Variants in SHCBP1L observed in about 807,000 individuals in gnomAD.
SHCBP1L encodes the protein SHC binding and spindle associated 1 like.
SHCBP1L carries 67 observed loss-of-function variants against 62.5 expected under a neutral mutation model. That is an observed-to-expected ratio of 1.07 (90% CI 0.88 to 1.31). The LOEUF is 1.31. Ranked by LOEUF, SHCBP1L falls within the 40% of genes most tolerant of loss-of-function variation. The probability of loss-of-function intolerance (pLI) is 0.00; values close to 1 mark genes in which losing one functional copy is unlikely to be tolerated. For synonymous variants in SHCBP1L, 284 were observed against 289.4 expected (o/e 0.98, Z 0.19); for missense variants, 823 against 809.8 (o/e 1.02, Z -0.20).
intron 2 of SHCBP1L, among the ~76,000 whole-genome samples, chr1:182,947,107 C>T (rs1651590421): frequency 6.6e-6 from 1 of 151,844 alleles, no homozygotes; most frequent in South Asian, 2.1e-4. Flanking sequence ...CATGGTGGCT[C>T]GCGCCTATAA....
At chr1:182,925,004 G>A (rs1650693506) in intron 6 of SHCBP1L, among the ~76,000 whole-genome samples, 2 of 130,642 alleles carry the variant, frequency 1.5e-5, no homozygotes, top group African/African-American at 3.1e-5. Context: ...AAGGAAGGAA[G>A]AAAGGAAGGA....
chr1:182,951,291 A>C (rs776605591), intron 2 of SHCBP1L, 27 bp downstream of exon 2: 16 of 1,465,532 alleles, frequency 1.1e-5, no homozygotes, highest in Middle Eastern at 3.7e-4. Context: ...ATTCAAAAAG[A>C]ACAAAGATCA....
Position 182,904,385 on chromosome 1 carries a change from C to G in SHCBP1L, c.1382G>C (p.Arg461Pro), listed in dbSNP as rs765850573. 1 of 1,614,126 alleles carries G rather than the reference C, an allele frequency of 6.2e-7. No homozygotes were observed. Among genetic ancestry groups the G allele is most frequent in the South Asian group, 1.1e-5 (1 of 91,088 alleles). The change falls in exon 8 of 10, where the codon CGT becomes CCT. Residue 461 changes from arginine to proline, a missense_variant. Physicochemically the swap from Arg to Pro is moderately radical, Grantham distance 103. Coordinates refer to ENST00000367547, the MANE Select transcript of SHCBP1L (RefSeq NM_030933.4). ...EEIMITSEPS[R>P]DSFVVSKADN... The stretch of plus-strand genomic sequence containing the variant: ...AGCTTTGGACACCACAAAACTGTCA[C>G]GAGAAGGTTCAGAAGTAATCATAAT...
intron 2 of SHCBP1L, among the ~76,000 whole-genome samples, chr1:182,940,831 A>AGTGT (rs796801883): frequency 6.6e-6 from 1 of 151,452 alleles, no homozygotes; most frequent in South Asian, 2.1e-4. Context: ...TTCATAAAAC[A>AGTGT]GTGTGTGTGT....
At position 182,931,771 on chromosome 1, in the gene SHCBP1L, A is replaced by G. The variant is rs1476727158; in HGVS notation, c.1077-2019T>C. On this transcript the variant is annotated intron_variant, in intron 5 of 9. Coordinates refer to ENST00000367547, the MANE Select transcript of SHCBP1L (RefSeq NM_030933.4). ...GATGAACCTATATTGACACATCATT[A>G]TCACCCAAAGTCCATAGTTTACATC... Among the ~76,000 whole-genome samples, 3 of 152,080 alleles carry G rather than the reference A, an allele frequency of 2.0e-5. No homozygotes were observed. The East Asian group carries it at 5.8e-4, about 29-fold the overall frequency.
chr1:182,902,866 G>A (rs957571343), intron 9 of SHCBP1L, among the ~76,000 whole-genome samples, 173 bp downstream of exon 9: 6 of 152,054 alleles, frequency 3.9e-5, no homozygotes, highest in Admixed American at 6.5e-5. Flanking sequence ...TAAATTATAA[G>A]GCTAAACTTA....
chr1:182,936,130 G>GTT (rs71127329), intron 5 of SHCBP1L, among the ~76,000 whole-genome samples: 110 of 63,914 alleles, frequency 1.7e-3, no homozygotes, highest in Non-Finnish European at 2.7e-3. Context: ...TTTGTTTTTT[G>GTT]TTTTTTTTTT....
At chr1:182,948,220 T>G (rs1311420100) in intron 2 of SHCBP1L, among the ~76,000 whole-genome samples, 2 of 152,122 alleles carry the variant, frequency 1.3e-5, no homozygotes, top group Non-Finnish European at 2.9e-5. Context: ...TTTTTGTTTG[T>G]TGGTTGGTTA....
At position 182,904,576 on chromosome 1, in the gene SHCBP1L, T is replaced by TGCGC. The variant is rs1395029827; in HGVS notation, c.1337-150_1337-147dup. On this transcript the variant is annotated intron_variant, in intron 7 of 9. Coordinates refer to ENST00000367547, the MANE Select transcript of SHCBP1L (RefSeq NM_030933.4). ...GTGTGTGTGTGTGTGTGTGTGTGTGTGCGCATGCGCATTTTTAGAGATGGT... is the reference window on the plus strand; with the variant it reads ...GTGTGTGTGTGTGTGTGTGTGTGTGTGCGCGCGCATGCGCATTTTTAGAGATGGT... 9 of 701,894 alleles carry TGCGC rather than the reference T, an allele frequency of 1.3e-5. No individual in the cohort carries two copies. In the African/African-American group the frequency reaches 1.5e-4, roughly 12 times the overall value. 43.5% of individuals were successfully genotyped at this position (701,894 alleles called of 1,614,324 possible). A position where few individuals can be genotyped will look rare whatever the true frequency, so the allele number is the denominator to read the frequency against.
At chr1:182,945,526 C>T (rs1185327456) in intron 2 of SHCBP1L, among the ~76,000 whole-genome samples, 3 of 152,206 alleles carry the variant, frequency 2.0e-5, no homozygotes, top group Admixed American at 2.0e-4. Context: ...GGCTTCTCTA[C>T]ATTTTGAATC....
intron 6 of SHCBP1L, among the ~76,000 whole-genome samples, chr1:182,924,788 G>GAA (rs1414052337): frequency 3.9e-3 from 362 of 92,748 alleles, no homozygotes; most frequent in African/African-American, 7.5e-3. Flanking sequence ...AAGAAAGAAA[G>GAA]AGAGAAAGAA....
At chr1:182,922,669 C>T (rs967217695) in intron 6 of SHCBP1L, among the ~76,000 whole-genome samples, 2 of 151,466 alleles carry the variant, frequency 1.3e-5, no homozygotes, top group Admixed American at 6.6e-5. Context: ...GAAATTAACA[C>T]AGAAATCAAA....
intron 5 of SHCBP1L, among the ~76,000 whole-genome samples, chr1:182,934,470 T>C (rs1651105170): frequency 6.6e-6 from 1 of 152,176 alleles, no homozygotes; most frequent in East Asian, 1.9e-4. Flanking sequence ...TATATGCTTT[T>C]TTCTGTCTGT....
chr1:182,952,365 G>T, intron 1 of SHCBP1L: 1 of 190,818 alleles, frequency 5.2e-6, no homozygotes. Context: ...AAAAGTCAAG[G>T]CTAAGTGATC....
intron 5 of SHCBP1L, among the ~76,000 whole-genome samples, chr1:182,931,789 T>C (rs1426448501): frequency 2.0e-5 from 3 of 152,092 alleles, no homozygotes; most frequent in Non-Finnish European, 4.4e-5. Context: ...AAGTCCATAG[T>C]TTACATCAGA....
At chr1:182,952,233 TATACAC>T (rs1651795721) in intron 1 of SHCBP1L, among the ~76,000 whole-genome samples, 1 of 55,778 alleles carries the variant, frequency 1.8e-5, no homozygotes, top group Non-Finnish European at 2.8e-5. Context: ...TATATATATA[TATACAC>T]ACACACACAC....
Position 182,952,911 on chromosome 1 carries a change from C to G in SHCBP1L, c.223G>C (p.Ala75Pro). Reference protein sequence around the residue: ...TARLRLQRLPAAQAEDTGEAA... With the variant: ...TARLRLQRLPPAQAEDTGEAA... ...TCTCCCGTGTCCTCGGCCTGAGCCG[C>G]GGGCAGGCGCTGGAGCCGCAGCCTG... is the stretch of plus-strand genomic sequence containing the variant. Residue 75 changes from alanine to proline, a missense_variant, in exon 1 of 10, where the codon GCG becomes CCG. Transcript: ENST00000367547. 6.4e-7 allele frequency: 1 copy of G among 1,571,496 alleles called. No individual in the cohort carries two copies. Among genetic ancestry groups the G allele is most frequent in the East Asian group, 2.4e-5 (1 of 42,426 alleles).
At chr1:182,907,033 G>C (rs1433887324) in intron 6 of SHCBP1L, among the ~76,000 whole-genome samples, 1 of 151,426 alleles carries the variant, frequency 6.6e-6, no homozygotes, top group Non-Finnish European at 1.5e-5. Context: ...GCCCAGGCTG[G>C]TCTCAAACTC....
chr1:182,929,477 G>T (rs543730006), intron 6 of SHCBP1L, among the ~76,000 whole-genome samples, 170 bp downstream of exon 6: 4 of 152,284 alleles, frequency 2.6e-5, no homozygotes, highest in South Asian at 2.1e-4. Flanking sequence ...TCAGTAAATA[G>T]TTGTCACCAT....
Sources: allele counts gnomAD v4.1 joint callset (sites outside exome capture counted in the v4.1 genomes callset), GRCh38; gene constraint gnomAD v4.1.1; transcripts MANE v1.5; gene names NCBI Gene and HGNC (gene_info 2026-07-23, HGNC 2026-07-21).